The following TMEM178B variants were observed in gnomAD, a reference collection of about 807,000 sequenced individuals.
The protein encoded by TMEM178B is transmembrane protein 178B.
In TMEM178B, 5 loss-of-function variants were observed where a neutral mutation model predicts 31.0. That is an observed-to-expected ratio of 0.16 (90% CI 0.08 to 0.34). The LOEUF (loss-of-function observed/expected upper bound fraction) is 0.34. Among genes scored for constraint, TMEM178B ranks in the 10% least tolerant of loss-of-function variants. The pLI, the probability that TMEM178B is intolerant of heterozygous loss-of-function variation, is 1.00. For synonymous variants in TMEM178B, 164 were observed against 164.0 expected (o/e 1.00, Z 0.00); for missense variants, 275 against 400.3 (o/e 0.69, Z 2.67).
intron 1 of TMEM178B, among the ~76,000 whole-genome samples, chr7:141,088,614 C>T (rs994521072): frequency 5.3e-5 from 8 of 152,178 alleles, no homozygotes; most frequent in Admixed American, 3.3e-4. Context: ...GATATCTCCA[C>T]TAGGATCACC....
At chr7:141,322,835 C>T (rs1158091984) in intron 2 of TMEM178B, among the ~76,000 whole-genome samples, 1 of 152,102 alleles carries the variant, frequency 6.6e-6, no homozygotes, top group Non-Finnish European at 1.5e-5. Flanking sequence ...GGACTCCTCC[C>T]CTCTCTCCTT....
At chr7:141,090,725 C>T (rs553091151) in intron 1 of TMEM178B, among the ~76,000 whole-genome samples, 10 of 152,172 alleles carry the variant, frequency 6.6e-5, no homozygotes, top group Non-Finnish European at 1.5e-4. Flanking sequence ...AAGCATTTGT[C>T]CCCCATAGGG....
chr7:141,256,506 G>A (rs561954534), intron 2 of TMEM178B, among the ~76,000 whole-genome samples: 2 of 152,324 alleles, frequency 1.3e-5, no homozygotes, highest in East Asian at 3.9e-4. Flanking sequence ...GAAGGTGAGA[G>A]TGGTAAGGGG....
At chr7:141,164,530 C>T (rs1796229993) in intron 1 of TMEM178B, among the ~76,000 whole-genome samples, 2 of 152,096 alleles carry the variant, frequency 1.3e-5, no homozygotes, top group Admixed American at 1.3e-4. Flanking sequence ...CTCTTTGGTT[C>T]TGTTACTCAT....
At chr7:141,195,890 C>A (rs1289287996) in intron 1 of TMEM178B, among the ~76,000 whole-genome samples, 1 of 152,120 alleles carries the variant, frequency 6.6e-6, no homozygotes, top group African/African-American at 2.4e-5. Context: ...AAGCAGAAGC[C>A]CCCAGTAAAC....
chr7:141,257,976 A>G (rs1797954546), intron 2 of TMEM178B, among the ~76,000 whole-genome samples: 1 of 150,998 alleles, frequency 6.6e-6, no homozygotes, highest in African/African-American at 2.4e-5. Context: ...CATTTTATTT[A>G]TTTGCTTTAA....
At position 141,074,105 on chromosome 7, in the gene TMEM178B, C is replaced by T; in HGVS notation, c.-206C>T. ...GCCCAGGAGCCCGCGGGAGCCTCTC[C>T]GGATCAGAACTTTTTAGGCCGCCCG... On this transcript the variant is annotated 5_prime_UTR_variant, in exon 1 of 4. Transcript: ENST00000565468. This position sits in a 1 kb window ranked among gnomAD's most constrained non-coding sequence, Gnocchi z 5.1. 7.6e-6 allele frequency: 5 copies of T among 655,862 alleles called. No individual in the cohort carries two copies. Among genetic ancestry groups the T allele is most frequent in the Non-Finnish European group, 1.1e-5 (5 of 445,020 alleles). 40.6% of individuals were successfully genotyped at this position (655,862 alleles called of 1,614,324 possible).
intron 2 of TMEM178B, among the ~76,000 whole-genome samples, chr7:141,315,780 A>G (rs1189565562): frequency 6.6e-6 from 1 of 152,148 alleles, no homozygotes; most frequent in Non-Finnish European, 1.5e-5. Context: ...TTGGCACTAG[A>G]GTGCGGAATG....
At chr7:141,147,229 C>T (rs1010295943) in intron 1 of TMEM178B, among the ~76,000 whole-genome samples, 2 of 151,688 alleles carry the variant, frequency 1.3e-5, no homozygotes, top group East Asian at 3.9e-4. Context: ...CCCTCCTTCC[C>T]TTTCTCCTTC....
intron 1 of TMEM178B, among the ~76,000 whole-genome samples, chr7:141,132,790 C>T (rs1053126986): frequency 6.6e-6 from 1 of 152,194 alleles, no homozygotes; most frequent in Non-Finnish European, 1.5e-5. Context: ...CCTGCCTGAA[C>T]TTGCTACCAC....
intron 2 of TMEM178B, among the ~76,000 whole-genome samples, chr7:141,370,517 C>T (rs976732029): frequency 6.6e-6 from 1 of 152,136 alleles, no homozygotes; most frequent in Non-Finnish European, 1.5e-5. Context: ...ATAAAGTGTT[C>T]TTGTACGGAT....
intron 2 of TMEM178B, among the ~76,000 whole-genome samples, chr7:141,420,992 T>G (rs2116651538): frequency 6.6e-6 from 1 of 152,228 alleles, no homozygotes; most frequent in East Asian, 1.9e-4. Flanking sequence ...AACACAGAAA[T>G]TAACCTGCTT....
chr7:141,340,499 T>C (rs945897348), intron 2 of TMEM178B, among the ~76,000 whole-genome samples: 1 of 152,270 alleles, frequency 6.6e-6, no homozygotes, highest in African/African-American at 2.4e-5. Flanking sequence ...GAAGGTTTTA[T>C]GTTTTTCAAA....
At chr7:141,313,852 T>C (rs1410121572) in intron 2 of TMEM178B, among the ~76,000 whole-genome samples, 1 of 149,044 alleles carries the variant, frequency 6.7e-6, no homozygotes, top group Non-Finnish European at 1.5e-5. Context: ...TTCAGAAAAA[T>C]GTAGAGGCAC....
At chr7:141,322,400 A>G (rs1586890964) in intron 2 of TMEM178B, among the ~76,000 whole-genome samples, 1 of 151,654 alleles carries the variant, frequency 6.6e-6, no homozygotes, top group East Asian at 1.9e-4. Flanking sequence ...GCATGGTGGC[A>G]TATGCCTGTA....
At chr7:141,161,230 C>T (rs917220029) in intron 1 of TMEM178B, among the ~76,000 whole-genome samples, 2 of 152,110 alleles carry the variant, frequency 1.3e-5, no homozygotes, top group African/African-American at 2.4e-5. Flanking sequence ...GGACCTGTCT[C>T]GAAGAGCTTC....
intron 2 of TMEM178B, among the ~76,000 whole-genome samples, chr7:141,304,192 A>G (rs1045559055): frequency 9.6e-4 from 146 of 152,316 alleles, no homozygotes; most frequent in Non-Finnish European, 1.1e-3. Context: ...TTTTAAAAGC[A>G]CTACGTATTT....
chr7:141,253,993 G>A (rs1797880419), intron 2 of TMEM178B, among the ~76,000 whole-genome samples: 2 of 152,162 alleles, frequency 1.3e-5, no homozygotes, highest in East Asian at 1.9e-4. Flanking sequence ...GTGCCTCCCT[G>A]TTCCCTTACT....
At chr7:141,439,094 G>A (rs1263248131) in intron 3 of TMEM178B, among the ~76,000 whole-genome samples, 2 of 152,098 alleles carry the variant, frequency 1.3e-5, no homozygotes, top group Non-Finnish European at 2.9e-5. Context: ...GCTGGGGACA[G>A]GAGGAGTTCA....
Sources: allele counts gnomAD v4.1 joint callset (sites outside exome capture counted in the v4.1 genomes callset), GRCh38; gene constraint gnomAD v4.1.1; non-coding constraint Gnocchi (gnomAD v3.1); transcripts MANE v1.5; gene names NCBI Gene and HGNC (gene_info 2026-07-23, HGNC 2026-07-21).